Variants in GDAP1 observed in about 807,000 individuals in gnomAD.
GDAP1 encodes the protein ganglioside induced differentiation associated protein 1.
In GDAP1, 34 loss-of-function variants were observed where a neutral mutation model predicts 40.1. That is an observed-to-expected ratio of 0.85 (90% confidence interval 0.64 to 1.13). The LOEUF (loss-of-function observed/expected upper bound fraction) is 1.13, where lower values mean the gene tolerates loss of function less well. Among genes scored for constraint, GDAP1 ranks in the 50% most tolerant of loss-of-function variants. GDAP1 has a pLI of 0.00. For missense variants in GDAP1, 374 were observed against 433.7 expected (o/e 0.86, Z 1.22); for synonymous variants, 170 against 157.4 (o/e 1.08, Z -0.60).
At chr8:74,355,239 A>G (rs143338472) in intron 2 of GDAP1, among the ~76,000 whole-genome samples, 112 of 152,256 alleles carry the variant, frequency 7.4e-4, no homozygotes, top group Non-Finnish European at 1.5e-3. Flanking sequence ...CTGACTGCCA[A>G]ACTAAGAGCT....
chr8:74,423,238 TG>T lies in GDAP1; in HGVS notation c.166-65439del, dbSNP rs879779718. 1.0e-4 allele frequency among the ~76,000 whole-genome samples: 15 copies of T among 147,372 alleles called. 1 individual carries two copies. Among genetic ancestry groups the T allele is most frequent in the Non-Finnish European group, 1.9e-4 (13 of 67,068 alleles). On this transcript the variant is annotated intron_variant, in intron 2 of 2. Transcript: ENST00000523640. ...TATGTATACTATATATAATATGATA[TG>T]TATACTATATATAATAGTATATGTG...
intron 2 of GDAP1, among the ~76,000 whole-genome samples, chr8:74,466,342 T>C (rs767579734): frequency 1.1e-4 from 16 of 152,188 alleles, no homozygotes; most frequent in Non-Finnish European, 2.1e-4. Flanking sequence ...TAGGGAAACG[T>C]GATCTGATTT....
intron 2 of GDAP1, among the ~76,000 whole-genome samples, chr8:74,400,482 C>G (rs556122274): frequency 6.7e-6 from 1 of 149,762 alleles, no homozygotes; most frequent in East Asian, 1.9e-4. Flanking sequence ...ATACAGCACA[C>G]TGATGGGTCT....
At chr8:74,422,703 G>T (rs1447096711) in intron 2 of GDAP1, among the ~76,000 whole-genome samples, 2 of 151,636 alleles carry the variant, frequency 1.3e-5, no homozygotes, top group African/African-American at 4.8e-5. Context: ...TGACTATCTG[G>T]GCATGATTTT....
intron 2 of GDAP1, among the ~76,000 whole-genome samples, chr8:74,470,123 T>G (rs953322657): frequency 6.6e-6 from 1 of 152,340 alleles, no homozygotes; most frequent in African/African-American, 2.4e-5. Flanking sequence ...CCTTCAGTTT[T>G]TGTAGCTAAT....
At chr8:74,486,992 T>C (rs1034317055) in intron 2 of GDAP1, among the ~76,000 whole-genome samples, 4 of 152,130 alleles carry the variant, frequency 2.6e-5, no homozygotes, top group Non-Finnish European at 5.9e-5. Context: ...TATGTAACCA[T>C]TCACAAGTTA....
intron 2 of GDAP1, among the ~76,000 whole-genome samples, chr8:74,387,740 A>G (rs1005120406): frequency 6.6e-6 from 1 of 152,162 alleles, no homozygotes; most frequent in Non-Finnish European, 1.5e-5. Flanking sequence ...TGTTTGGAGT[A>G]GTTTCAGAAG....
chr8:74,428,385 C>CATTA lies in GDAP1; in HGVS notation c.166-60292_166-60291insTTAA, dbSNP rs1805979867. Among the ~76,000 whole-genome samples the CATTA allele has an allele frequency of 3.3e-5, 5 of 152,156 alleles. No homozygotes were observed. The East Asian group carries it at 9.6e-4, about 29-fold the overall frequency. ...GTGTCCCCGACCATCACAGGAGAAC[C>CATTA]AGAGTAACCCTTAAATGTGTAGGTG... On this transcript the variant is annotated intron_variant, in intron 2 of 2. Transcript: ENST00000523640.
At chr8:74,440,210 T>C (rs1444568688) in intron 2 of GDAP1, among the ~76,000 whole-genome samples, 1 of 152,192 alleles carries the variant, frequency 6.6e-6, no homozygotes, top group African/African-American at 2.4e-5. Flanking sequence ...AGCATGAGTT[T>C]GGAGCCATTT....
At chr8:74,388,876 A>T (rs1563454800) in intron 2 of GDAP1, among the ~76,000 whole-genome samples, 1 of 152,288 alleles carries the variant, frequency 6.6e-6, no homozygotes, top group South Asian at 2.1e-4. Context: ...TATTGGGTGC[A>T]TATATATTTA....
At position 74,470,950 on chromosome 8, in the gene GDAP1, G is replaced by T. The variant is rs541773533; in HGVS notation, c.166-17728G>T. On this transcript the variant is annotated intron_variant, in intron 2 of 2. Coordinates refer to the GDAP1 transcript ENST00000523640. The stretch of plus-strand genomic sequence containing the variant: ...TTTTTAATGATCGCCATTCTAACTG[G>T]TGTGAGATGGTATCTCATTGTGGGT... Among the ~76,000 whole-genome samples the T allele has an allele frequency of 3.3e-5, 5 of 152,258 alleles. No homozygotes were observed. The East Asian group carries it at 9.6e-4, about 29-fold the overall frequency.
At chr8:74,387,534 C>T (rs558056993) in intron 2 of GDAP1, among the ~76,000 whole-genome samples, 1 of 152,338 alleles carries the variant, frequency 6.6e-6, no homozygotes, top group South Asian at 2.1e-4. Flanking sequence ...ATGAAACCGA[C>T]TTGATCATGG....
intron 2 of GDAP1, among the ~76,000 whole-genome samples, chr8:74,445,759 G>C (rs1450697690): frequency 6.6e-6 from 1 of 151,772 alleles, no homozygotes; most frequent in Non-Finnish European, 1.5e-5. Context: ...CCTAGCAAAA[G>C]ATATCATTTG....
chr8:74,373,443 T>A (rs1685125208), intron 2 of GDAP1, among the ~76,000 whole-genome samples: 1 of 152,142 alleles, frequency 6.6e-6, no homozygotes, highest in African/African-American at 2.4e-5. Context: ...TGAGCACTGG[T>A]TTGTAGTTCT....
intron 2 of GDAP1, among the ~76,000 whole-genome samples, chr8:74,421,176 A>C (rs1042092880): frequency 3.9e-5 from 6 of 152,192 alleles, no homozygotes; most frequent in African/African-American, 1.4e-4. Flanking sequence ...CAAGCTTCTG[A>C]TCTGTGCAGA....
intron 2 of GDAP1, among the ~76,000 whole-genome samples, chr8:74,395,876 T>G (rs1477776233): frequency 6.6e-6 from 1 of 152,136 alleles, no homozygotes; most frequent in Non-Finnish European, 1.5e-5. Flanking sequence ...GAAAAATGGG[T>G]TAAAAGAACT....
chr8:74,424,517 C>T (rs1215689946), intron 2 of GDAP1, among the ~76,000 whole-genome samples: 1 of 152,186 alleles, frequency 6.6e-6, no homozygotes, highest in East Asian at 1.9e-4. Flanking sequence ...CAAGTAGTTG[C>T]AGACATCTAA....
At position 74,479,770 on chromosome 8, in the gene GDAP1, G is replaced by A. The variant is rs552060070; in HGVS notation, c.166-8908G>A. 3.9e-4 allele frequency among the ~76,000 whole-genome samples: 60 copies of A among 152,202 alleles called. 1 individual carries two copies. Among genetic ancestry groups the A allele is most frequent in the African/African-American group, 1.4e-3 (59 of 41,490 alleles). ...CCCTGTCAGGGTGTCAGGGTTGCTA[G>A]GCCAAAAATCCTTCATTATGCAGCA... On this transcript the variant is annotated intron_variant, in intron 2 of 2. Coordinates refer to the GDAP1 transcript ENST00000523640.
intron 2 of GDAP1, among the ~76,000 whole-genome samples, chr8:74,434,281 C>T (rs577795684): frequency 9.2e-5 from 14 of 152,240 alleles, no homozygotes; most frequent in African/African-American, 2.9e-4. Context: ...GAATAAAGAC[C>T]GTGATCATTT....
Sources: allele counts gnomAD v4.1 joint callset (sites outside exome capture counted in the v4.1 genomes callset), GRCh38; gene constraint gnomAD v4.1.1; transcripts MANE v1.5; gene names NCBI Gene and HGNC (gene_info 2026-07-23, HGNC 2026-07-21).